MED27: variants seen among roughly 807,000 people sequenced by gnomAD.
The protein encoded by MED27 is mediator complex subunit 27, also known as mediator of RNA polymerase II transcription subunit 27.
MED27 carries 30 observed loss-of-function variants against 38.2 expected under a neutral mutation model. That is an observed-to-expected ratio of 0.79 (90% confidence interval 0.59 to 1.07). MED27 has a LOEUF of 1.07. Ranked by LOEUF, MED27 falls within the 50% of genes least tolerant of loss-of-function variation. The probability of loss-of-function intolerance (pLI) is 0.00; values close to 1 mark genes in which losing one functional copy is unlikely to be tolerated. For synonymous variants in MED27, 122 were observed against 153.5 expected (o/e 0.79, Z 1.52); for missense variants, 289 against 397.5 (o/e 0.73, Z 2.32).
chr9:131,977,662 T>C (rs144744203), intron 3 of MED27, among the ~76,000 whole-genome samples: 1 of 152,182 alleles, frequency 6.6e-6, no homozygotes, highest in Non-Finnish European at 1.5e-5. Context: ...GGGGCTGCTC[T>C]TGGTTCATGT....
intron 3 of MED27, among the ~76,000 whole-genome samples, chr9:131,984,743 AG>A: frequency 6.6e-6 from 1 of 152,246 alleles, no homozygotes; most frequent in East Asian, 1.9e-4. Context: ...TGAACTCCTG[AG>A]GTGAGTCACA....
In MED27 at chr9:132,071,324, C is replaced by T. The variant is rs949038439; in HGVS notation, c.348+6118G>A. On this transcript the variant is annotated intron_variant, in intron 2 of 7. Coordinates refer to ENST00000292035, the MANE Select transcript of MED27 (RefSeq NM_004269.4). ...AACGAGCACACACACGAGAAACAGGCGTCCCATGAATGAGCACACACACAT... is the reference window on the plus strand; with the variant it reads ...AACGAGCACACACACGAGAAACAGGTGTCCCATGAATGAGCACACACACAT... Among the ~76,000 whole-genome samples the T allele has an allele frequency of 5.9e-5, 9 of 151,962 alleles. 1 individual carries two copies. Among genetic ancestry groups the T allele is most frequent in the East Asian group, 1.9e-4 (1 of 5,200 alleles).
intron 6 of MED27, among the ~76,000 whole-genome samples, chr9:131,873,862 T>C (rs1022536434): frequency 6.6e-6 from 1 of 152,220 alleles, no homozygotes; most frequent in Non-Finnish European, 1.5e-5. Flanking sequence ...ACATATCAGA[T>C]GTGGTTTGGT....
At chr9:131,970,718 A>G (rs1380414595) in intron 3 of MED27, among the ~76,000 whole-genome samples, 1 of 152,238 alleles carries the variant, frequency 6.6e-6, no homozygotes, top group Admixed American at 6.5e-5. Context: ...TGTGAAGGAA[A>G]ACAATGTTAG....
intron 4 of MED27, among the ~76,000 whole-genome samples, chr9:131,921,377 G>C (rs1037826977): frequency 2.0e-5 from 3 of 152,138 alleles, no homozygotes; most frequent in African/African-American, 7.2e-5. Flanking sequence ...CAATTTTCTG[G>C]TTTCTTTTAC....
chr9:131,980,083 G>A (rs994317210), intron 3 of MED27, among the ~76,000 whole-genome samples: 2 of 152,064 alleles, frequency 1.3e-5, no homozygotes, highest in Non-Finnish European at 2.9e-5. Context: ...TTTCTTGGGG[G>A]ATGGGGGAAG....
intron 3 of MED27, among the ~76,000 whole-genome samples, chr9:131,953,859 C>G (rs1409518624): frequency 3.3e-5 from 5 of 149,764 alleles, no homozygotes; most frequent in African/African-American, 1.2e-4. Context: ...GTCTGTCACC[C>G]AGGCTGGAGT....
rs138074224 is a variant in MED27 at position 131,883,840 on chromosome 9, C to T, written c.723+218G>A. ...CCTTGTGCCCCTTTGGGGCCAAGTC[C>T]CTGTACCCACCCTTAGGCAACCACG... On this transcript the variant is annotated intron_variant, in intron 6 of 7. Coordinates refer to ENST00000292035, the MANE Select transcript of MED27 (RefSeq NM_004269.4). The surrounding 1 kb of genome is among the most constrained non-coding windows in gnomAD (Gnocchi z 4.2). 3.8e-3 allele frequency among the ~76,000 whole-genome samples: 586 copies of T among 152,282 alleles called. 2 individuals are homozygous for T. Among genetic ancestry groups the T allele is most frequent in the Middle Eastern group, 0.027 (8 of 294 alleles).
intron 3 of MED27, among the ~76,000 whole-genome samples, chr9:132,000,055 C>T (rs971142946): frequency 2.7e-5 from 4 of 150,734 alleles, no homozygotes; most frequent in African/African-American, 9.8e-5. Flanking sequence ...TTCTGAAAAC[C>T]TGTATTTCTC....
chr9:131,907,019 C>T (rs1286861081), intron 4 of MED27, among the ~76,000 whole-genome samples: 1 of 152,146 alleles, frequency 6.6e-6, no homozygotes, highest in Non-Finnish European at 1.5e-5. Flanking sequence ...AATGCTAATG[C>T]ATTATAATTA....
At chr9:131,876,524 T>C (rs1472537044) in intron 6 of MED27, among the ~76,000 whole-genome samples, 1 of 152,152 alleles carries the variant, frequency 6.6e-6, no homozygotes, top group Non-Finnish European at 1.5e-5. Flanking sequence ...TTTAGATGCT[T>C]ATGAATATTC....
intron 2 of MED27, among the ~76,000 whole-genome samples, chr9:132,076,909 C>A (rs151245992): frequency 1.3e-5 from 2 of 152,340 alleles, no homozygotes; most frequent in East Asian, 3.9e-4. Flanking sequence ...CCATGAATAT[C>A]AAACTCTACA....
intron 4 of MED27, among the ~76,000 whole-genome samples, chr9:131,925,427 C>G (rs1830466174): frequency 6.6e-6 from 1 of 152,076 alleles, no homozygotes; most frequent in Non-Finnish European, 1.5e-5. Flanking sequence ...AATGTAAGAG[C>G]AGGACTGTTT....
Position 132,009,085 on chromosome 9 carries a change from T to C in MED27, c.479+5252A>G, listed in dbSNP as rs541701655. On this transcript the variant is annotated intron_variant, in intron 3 of 7. Transcript: ENST00000292035. ...GTCATGTCAGTCAACTTGGTCCATG[T>C]TGCTATGATGCTCTGCTCCTTGTTT... Among the ~76,000 whole-genome samples the C allele has an allele frequency of 5.3e-5, 8 of 152,312 alleles. No homozygotes were observed. The South Asian group carries it at 1.2e-3, about 24-fold the overall frequency.
intron 3 of MED27, among the ~76,000 whole-genome samples, chr9:131,986,323 C>T (rs1010675571): frequency 2.6e-5 from 4 of 152,042 alleles, no homozygotes; most frequent in Non-Finnish European, 5.9e-5. Context: ...AGTTCCTGTC[C>T]GGGTGTACCA....
intron 3 of MED27, among the ~76,000 whole-genome samples, chr9:131,973,791 T>C (rs1831540528): frequency 6.6e-6 from 1 of 152,060 alleles, no homozygotes; most frequent in Admixed American, 6.6e-5. Context: ...CACTGTAAGC[T>C]CCACCTCCCG....
At chr9:132,060,192 T>C (rs1224068581) in intron 2 of MED27, among the ~76,000 whole-genome samples, 1 of 152,072 alleles carries the variant, frequency 6.6e-6, no homozygotes, top group Non-Finnish European at 1.5e-5. Flanking sequence ...CCCCCATGCG[T>C]AGAGATTAAT....
intron 3 of MED27, among the ~76,000 whole-genome samples, chr9:132,000,896 T>TAAAC (rs537351772): frequency 6.6e-6 from 1 of 151,670 alleles, no homozygotes; most frequent in Non-Finnish European, 1.5e-5. Flanking sequence ...AAAAGCCAGA[T>TAAAC]AAACAAACAA....
intron 4 of MED27, among the ~76,000 whole-genome samples, chr9:131,931,369 A>G (rs951830509): frequency 6.6e-6 from 1 of 152,202 alleles, no homozygotes; most frequent in East Asian, 1.9e-4. Flanking sequence ...CAAAAAATAA[A>G]CAGCAAAAAA....
Sources: allele counts gnomAD v4.1 joint callset (sites outside exome capture counted in the v4.1 genomes callset), GRCh38; gene constraint gnomAD v4.1.1; non-coding constraint Gnocchi (gnomAD v3.1); transcripts MANE v1.5; gene names NCBI Gene and HGNC (gene_info 2026-07-23, HGNC 2026-07-21).